XRN1: variants seen among roughly 807,000 people sequenced by gnomAD.
XRN1 encodes strand-exchange protein 1 homolog.
A neutral mutation model predicts 222.3 loss-of-function variants in XRN1; 67 were observed. The observed-to-expected ratio is 0.30, with a 90% confidence interval of 0.25 to 0.37. The LOEUF (loss-of-function observed/expected upper bound fraction) is 0.37, where lower values mean the gene tolerates loss of function less well. Among genes scored for constraint, XRN1 ranks in the 10% least tolerant of loss-of-function variants. XRN1 has a pLI of 1.00. For missense variants in XRN1, 1,707 were observed against 2,000.2 expected, an observed-to-expected ratio of 0.85 and a Z score of 2.80; for synonymous variants, 643 against 652.4, an observed-to-expected ratio of 0.99 and a Z score of 0.22.
chr3:142,353,031 T>A (rs528666603), intron 32 of XRN1, among the ~76,000 whole-genome samples: 1 of 152,360 alleles, frequency 6.6e-6, no homozygotes, highest in East Asian at 1.9e-4. Flanking sequence ...CCTTTCTTTG[T>A]CTGAGTCTCT....
intron 29 of XRN1, among the ~76,000 whole-genome samples, chr3:142,362,738 C>T (rs1290007197): frequency 6.7e-6 from 1 of 148,402 alleles, no homozygotes; most frequent in Non-Finnish European, 1.5e-5. Flanking sequence ...TCCTCCTTCC[C>T]TCCCTCCCTC....
intron 20 of XRN1, among the ~76,000 whole-genome samples, chr3:142,388,341 A>C (rs956863823): frequency 1.3e-5 from 2 of 152,320 alleles, no homozygotes; most frequent in East Asian, 3.9e-4. Context: ...CACACTATAT[A>C]ATACATATAC....
At chr3:142,351,084 CTATT>C (rs2107813402) in intron 32 of XRN1, among the ~76,000 whole-genome samples, 1 of 152,196 alleles carries the variant, frequency 6.6e-6, no homozygotes, top group African/African-American at 2.4e-5. Flanking sequence ...TTATCTAAAT[CTATT>C]TTTTTCTCTA....
intron 39 of XRN1, among the ~76,000 whole-genome samples, chr3:142,314,263 C>T (rs1272582301): frequency 6.6e-6 from 1 of 152,058 alleles, no homozygotes; most frequent in African/African-American, 2.4e-5. Flanking sequence ...TTGGAGAACA[C>T]CTTTATAGGA....
chr3:142,325,797 A>T (rs2065498703), intron 37 of XRN1, among the ~76,000 whole-genome samples: 1 of 152,158 alleles, frequency 6.6e-6, no homozygotes, highest in Admixed American at 6.5e-5. Context: ...TAATAGCTAC[A>T]GATCTAACAT....
intron 8 of XRN1, 103 bp from the exon 9 acceptor site, chr3:142,421,646 T>C: frequency 1.3e-6 from 1 of 780,010 alleles, no homozygotes; most frequent in South Asian, 2.3e-5. Flanking sequence ...TGTTCTACAG[T>C]ACTAATCAAG....
chr3:142,347,478 G>A, intron 32 of XRN1, 136 bp from the exon 33 acceptor site: 2 of 529,718 alleles, frequency 3.8e-6, no homozygotes, highest in East Asian at 3.4e-5. Context: ...AAAGTATAGA[G>A]ACTTTTAAAG....
intron 20 of XRN1, among the ~76,000 whole-genome samples, chr3:142,393,031 A>G (rs927020029): frequency 6.6e-6 from 1 of 151,646 alleles, no homozygotes; most frequent in African/African-American, 2.4e-5. Flanking sequence ...CTGGTGTGAG[A>G]TGGTATCTCA....
At chr3:142,384,758 T>C in intron 20 of XRN1, 73 bp from the exon 21 acceptor site, 1 of 1,116,724 alleles carries the variant, frequency 9.0e-7, no homozygotes, top group South Asian at 1.8e-5. Flanking sequence ...AATCGTCAAC[T>C]ATCGTAAACT....
chr3:142,376,656 C>G (rs1158474841), intron 23 of XRN1, 62 bp from the exon 24 acceptor site: 9 of 1,201,422 alleles, frequency 7.5e-6, no homozygotes, highest in East Asian at 2.6e-5. Context: ...AATGTTATTT[C>G]TTTACCTTTA....
At chr3:142,353,048 T>A (rs896689728) in intron 32 of XRN1, among the ~76,000 whole-genome samples, 1 of 152,114 alleles carries the variant, frequency 6.6e-6, no homozygotes, top group Non-Finnish European at 1.5e-5. Context: ...CTCTAATCTT[T>A]TAGCAGCACT....
intron 2 of XRN1, among the ~76,000 whole-genome samples, chr3:142,428,963 T>C (rs984840133): frequency 6.6e-6 from 1 of 151,942 alleles, no homozygotes; most frequent in Non-Finnish European, 1.5e-5. Flanking sequence ...GAAACATTAA[T>C]ATTTAAGAAA....
Position 142,311,328 on chromosome 3 carries a change from C to T in XRN1, c.*183G>A. 1 of 495,602 alleles carries T rather than the reference C, an allele frequency of 2.0e-6. No homozygotes were observed. The highest frequency in any genetic ancestry group is 4.4e-5 in the South Asian group (1 of 22,930). 30.7% of individuals were successfully genotyped at this position (495,602 alleles called of 1,614,324 possible). On this transcript the variant is annotated 3_prime_UTR_variant, in exon 41 of 41. Coordinates refer to ENST00000392981, the MANE Select transcript of XRN1 (RefSeq NM_001282857.2). ...CAACAAACTGCACATACTTAAAGTG[C>T]ACAATTTGATACACAGTCTTTTAAA...
intron 18 of XRN1, 23 bp from the exon 19 acceptor site, chr3:142,400,570 T>C (rs747782079): frequency 1.3e-6 from 2 of 1,584,148 alleles, no homozygotes; most frequent in Non-Finnish European, 1.7e-6. Flanking sequence ...GCAAAAAAGT[T>C]CATTCATGAT....
At chr3:142,409,728 G>T (rs182821793) in intron 15 of XRN1, among the ~76,000 whole-genome samples, 169 of 152,212 alleles carry the variant, frequency 1.1e-3, no homozygotes, top group Middle Eastern at 6.8e-3. Flanking sequence ...TGAATTTAAA[G>T]ATCAAATTGA....
chr3:142,372,475 A>G (rs1430504179), intron 25 of XRN1, among the ~76,000 whole-genome samples: 1 of 152,144 alleles, frequency 6.6e-6, no homozygotes, highest in Non-Finnish European at 1.5e-5. Flanking sequence ...AATTCCTTGA[A>G]CAGCCCCACA....
At chr3:142,370,100 T>C (rs1274357145) in intron 27 of XRN1, among the ~76,000 whole-genome samples, 1 of 151,336 alleles carries the variant, frequency 6.6e-6, no homozygotes. Flanking sequence ...AATAGGGGAT[T>C]ATTAACCTTA....
Position 142,318,600 on chromosome 3 carries a change from G to A in XRN1, c.4613C>T (p.Pro1538Leu). 6.2e-7 allele frequency: 1 copy of A among 1,604,434 alleles called. No homozygotes were observed. Among genetic ancestry groups the A allele is most frequent in the South Asian group, 1.1e-5 (1 of 88,750 alleles). Reference protein sequence around the residue: ...PPGTIPPAFPPPTANIMPSSS... With the variant: ...PPGTIPPAFPLPTANIMPSSS... Reference sequence around the variant, plus strand: ...AATGAAAAATATCTTACCAGTAGGTGGGGGAAAGGCTGGAGGAATGGTTCC... The same window carrying A: ...AATGAAAAATATCTTACCAGTAGGTAGGGGAAAGGCTGGAGGAATGGTTCC... Residue 1538 changes from proline (P) to leucine (L), a missense_variant, in exon 39 of 41, where the codon CCA becomes CTA. Pro to Leu is a moderately conservative substitution (Grantham distance 98, BLOSUM62 -3). Transcript: ENST00000392981.
Position 142,418,397 on chromosome 3 carries a change from A to T in XRN1, c.1346+107T>A, listed in dbSNP as rs572266807. ...TGAAACATACACAATAATTCATGAA[A>T]CCAAAAAATCCTTTTTCTCCCACTA... On this transcript the variant is annotated intron_variant, in intron 12 of 40. Transcript: ENST00000392981. The T allele has an allele frequency of 1.9e-5, 16 of 835,690 alleles. No individual in the cohort carries two copies. In the African/African-American group the frequency reaches 2.8e-4, roughly 15 times the overall value. 51.8% of individuals were successfully genotyped at this position (835,690 alleles called of 1,614,324 possible).
Sources: gnomAD v4.1 joint callset for allele counts (sites outside exome capture counted in the v4.1 genomes callset) on GRCh38, gnomAD v4.1.1 for gene constraint, MANE v1.5 for transcripts, NCBI Gene and HGNC (gene_info 2026-07-23, HGNC 2026-07-21) for gene names.